The following CYB5B variants were observed in gnomAD, a reference collection of about 807,000 sequenced individuals.
The protein encoded by CYB5B is cytochrome b5 type B, also known as cytochrome b5 type B (outer mitochondrial membrane).
Under a neutral mutation model 21.3 loss-of-function variants are expected in CYB5B, and 14 were observed. That is an observed-to-expected ratio of 0.66 (90% CI 0.43 to 1.03). The LOEUF (loss-of-function observed/expected upper bound fraction) is 1.03. Ranked by LOEUF, CYB5B falls within the 50% of genes least tolerant of loss-of-function variation. The pLI is 0.00. For synonymous variants in CYB5B, 69 were observed against 68.4 expected (o/e 1.01, Z -0.04); for missense variants, 166 against 185.1 (o/e 0.90, Z 0.60).
chr16:69,428,194 A>C (rs1484082870), intron 1 of CYB5B, among the ~76,000 whole-genome samples: 3 of 152,130 alleles, frequency 2.0e-5, no homozygotes, highest in African/African-American at 7.2e-5. Flanking sequence ...ACTTATTCAA[A>C]TATTTATTAA....
chr16:69,437,096 T>C (rs56735557), intron 1 of CYB5B, among the ~76,000 whole-genome samples: 2,344 of 152,302 alleles, frequency 0.015, 65 homozygotes, highest in African/African-American at 0.053. Flanking sequence ...CATTACACAA[T>C]TTCCTTTGTA....
At chr16:69,437,398 T>C (rs1295247339) in intron 1 of CYB5B, among the ~76,000 whole-genome samples, 1 of 152,180 alleles carries the variant, frequency 6.6e-6, no homozygotes, top group Non-Finnish European at 1.5e-5. Flanking sequence ...AAATATCTAC[T>C]GTCTTACTAG....
intron 4 of CYB5B, among the ~76,000 whole-genome samples, chr16:69,460,270 AACTTAG>A (rs943659022): frequency 1.3e-5 from 2 of 152,218 alleles, no homozygotes; most frequent in African/African-American, 2.4e-5. Context: ...TATGCTATAA[AACTTAG>A]ACTTAAGCAA....
chr16:69,448,385 C>T (rs2014899310), intron 3 of CYB5B: 4 of 523,616 alleles, frequency 7.6e-6, no homozygotes, highest in Non-Finnish European at 1.3e-5. Context: ...AACTGAAACT[C>T]CAAAGCTATG....
chr16:69,461,014 G>A (rs998144471), intron 4 of CYB5B, among the ~76,000 whole-genome samples: 5 of 152,078 alleles, frequency 3.3e-5, no homozygotes, highest in Non-Finnish European at 7.4e-5. Context: ...TCAGTCTTTT[G>A]TACTAAAGAA....
chr16:69,465,993 A>G lies in CYB5B; in HGVS notation c.*3473A>G, dbSNP rs1300614241. 6.6e-6 allele frequency: 1 copy of G among 152,648 alleles called. No individual in the cohort carries two copies. The highest frequency in any genetic ancestry group is 1.5e-5 in the Non-Finnish European group (1 of 68,036). The allele number at this position is 152,648 out of a possible 1,614,324, so 9.5% of individuals were successfully genotyped here. A position where few individuals can be genotyped will look rare whatever the true frequency, so the allele number is the denominator to read the frequency against. ...CTACCCTATATCCAGCATCCTCCTC[A>G]TGAGCTTCAGTAGCTGCTCTTTGCC... On this transcript the variant is annotated 3_prime_UTR_variant, in exon 5 of 5. Transcript: ENST00000307892.
At chr16:69,430,261 G>T (rs1378042743) in intron 1 of CYB5B, among the ~76,000 whole-genome samples, 2 of 151,864 alleles carry the variant, frequency 1.3e-5, no homozygotes, top group Admixed American at 6.6e-5. Flanking sequence ...CTGTTGTCCA[G>T]GCTTGAGTGC....
rs1419815762 is a variant in CYB5B, at chr16:69,432,511, G to C, written c.174+7654G>C. 2.0e-5 allele frequency among the ~76,000 whole-genome samples: 3 copies of C among 152,198 alleles called. No homozygotes were observed. In the East Asian group the frequency reaches 5.8e-4, roughly 29 times the overall value. Reference sequence around the variant, plus strand: ...TTTGTTTGAATACTACATCTTCCGTGCATATACTTATATGTGCAAACATGT... The same window carrying C: ...TTTGTTTGAATACTACATCTTCCGTCCATATACTTATATGTGCAAACATGT... On this transcript the variant is annotated intron_variant, in intron 1 of 4. Transcript: ENST00000307892.
intron 3 of CYB5B, among the ~76,000 whole-genome samples, chr16:69,458,885 A>G (rs1165825166): frequency 6.6e-6 from 1 of 152,096 alleles, no homozygotes; most frequent in Non-Finnish European, 1.5e-5. Flanking sequence ...CTAGGAAGGA[A>G]CCTAGTGAAG....
At position 69,447,183 on chromosome 16, in the gene CYB5B, G is replaced by A. The variant is rs1458404048; in HGVS notation, c.208G>A (p.Ala70Thr). The change falls in exon 2 of 5, where the codon GCT (alanine) becomes ACT (threonine). Residue 70 changes from alanine (A) to threonine (T), a missense_variant. Ala to Thr is a moderately conservative substitution (Grantham distance 58, BLOSUM62 0). Transcript: ENST00000307892. ...AGGAGAAGAGGTTCTGCTGGAACAA[G>A]CTGGTGTAGATGCAAGTGAAAGCTT... Reference protein sequence around the residue: ...PGGEEVLLEQAGVDASESFED... With the variant: ...PGGEEVLLEQTGVDASESFED... 1 of 1,614,120 alleles carries A rather than the reference G, an allele frequency of 6.2e-7. No individual in the cohort carries two copies. The highest frequency in any genetic ancestry group is 1.7e-5 in the Admixed American group (1 of 60,024).
At chr16:69,459,164 T>G in intron 4 of CYB5B, 43 bp downstream of exon 4, 1 of 1,588,644 alleles carries the variant, frequency 6.3e-7, no homozygotes, top group South Asian at 1.2e-5. Flanking sequence ...CAAGGTAATG[T>G]CTGGCAAGAG....
intron 4 of CYB5B, among the ~76,000 whole-genome samples, chr16:69,461,974 T>C (rs751829659): frequency 4.6e-5 from 7 of 152,248 alleles, no homozygotes; most frequent in African/African-American, 7.2e-5. Context: ...CTGGTAGTTA[T>C]ATTAGATATG....
In CYB5B at chr16:69,464,696, A is replaced by G. The variant is rs1351398350; in HGVS notation, c.*2176A>G. Reference sequence around the variant, plus strand: ...CTTAAGTAAAATTGGTGTTTTTGTTATTTTTAAGGTAAATGCCAATGCAAA... The same window carrying G: ...CTTAAGTAAAATTGGTGTTTTTGTTGTTTTTAAGGTAAATGCCAATGCAAA... On this transcript the variant is annotated 3_prime_UTR_variant, in exon 5 of 5. Coordinates refer to ENST00000307892, the MANE Select transcript of CYB5B (RefSeq NM_030579.3). 1 of 152,672 alleles carries G rather than the reference A, an allele frequency of 6.5e-6. No homozygotes were observed. The highest frequency in any genetic ancestry group is 1.5e-5 in the Non-Finnish European group (1 of 68,022). The allele number at this position is 152,672 out of a possible 1,614,324, so 9.5% of individuals were successfully genotyped here.
chr16:69,445,362 T>A (rs1417869204), intron 1 of CYB5B, among the ~76,000 whole-genome samples: 3 of 152,162 alleles, frequency 2.0e-5, no homozygotes, highest in African/African-American at 7.2e-5. Flanking sequence ...AAATAGAAGT[T>A]ATCCTTATCC....
In CYB5B at chr16:69,462,704, A is replaced by G. The variant is rs1029530171; in HGVS notation, c.*184A>G. The G allele has an allele frequency of 1.7e-6, 1 of 574,688 alleles. No homozygotes were observed. Among genetic ancestry groups the G allele is most frequent in the African/African-American group, 1.9e-5 (1 of 53,358 alleles). 35.6% of individuals were successfully genotyped at this position (574,688 alleles called of 1,614,324 possible). On this transcript the variant is annotated 3_prime_UTR_variant, in exon 5 of 5. Coordinates refer to ENST00000307892, the MANE Select transcript of CYB5B (RefSeq NM_030579.3). ...AGCGTCTTCCATCTCTCAGAGCCTT[A>G]CTCCCAAAGTACCTGCTCACTGTTC...
chr16:69,458,255 A>G (rs761858875), intron 3 of CYB5B, among the ~76,000 whole-genome samples: 4 of 152,190 alleles, frequency 2.6e-5, no homozygotes, highest in Non-Finnish European at 4.4e-5. Context: ...CCTCACTCCA[A>G]GAAGAAACCC....
intron 3 of CYB5B, among the ~76,000 whole-genome samples, chr16:69,451,079 A>G (rs546780937): frequency 2.0e-4 from 30 of 152,252 alleles, no homozygotes; most frequent in African/African-American, 6.7e-4. Context: ...AAACGTAAAG[A>G]CTTAAAAACT....
chr16:69,443,461 C>A, intron 1 of CYB5B: 1 of 167,340 alleles, frequency 6.0e-6, no homozygotes, highest in Non-Finnish European at 1.3e-5. Flanking sequence ...ACAGTAAATT[C>A]TCTGAAGCCC....
intron 1 of CYB5B, among the ~76,000 whole-genome samples, chr16:69,425,939 A>G (rs192914893): frequency 4.0e-4 from 61 of 152,350 alleles, no homozygotes; most frequent in African/African-American, 1.4e-3. Context: ...GGGGCCTAAA[A>G]GAGAAATCTC....
Sources: allele counts gnomAD v4.1 joint callset (sites outside exome capture counted in the v4.1 genomes callset), GRCh38; gene constraint gnomAD v4.1.1; transcripts MANE v1.5; gene names NCBI Gene and HGNC (gene_info 2026-07-23, HGNC 2026-07-21).